The following KCTD8 variants were observed in gnomAD, a reference collection of about 807,000 sequenced individuals.
KCTD8 encodes the protein potassium channel tetramerization domain containing 8.
A neutral mutation model predicts 31.5 loss-of-function variants in KCTD8; 27 were observed. The observed-to-expected ratio is 0.86, with a 90% CI of 0.63 to 1.18. The LOEUF (loss-of-function observed/expected upper bound fraction) is 1.18. Ranked by LOEUF, KCTD8 falls within the 50% of genes most tolerant of loss-of-function variation. The pLI, the probability that KCTD8 is intolerant of heterozygous loss-of-function variation, is 0.00. For missense variants in KCTD8, 658 were observed against 647.7 expected, an observed-to-expected ratio of 1.02 and a Z score of -0.17; for synonymous variants, 290 against 280.0, an observed-to-expected ratio of 1.04 and a Z score of -0.36.
intron 1 of KCTD8, among the ~76,000 whole-genome samples, chr4:44,360,430 G>A (rs147818475): frequency 1.6e-4 from 25 of 151,956 alleles, no homozygotes; most frequent in African/African-American, 4.3e-4. Context: ...AAATTGCTAC[G>A]GAAAACTTAG....
chr4:44,374,011 G>A (rs540422078), intron 1 of KCTD8, among the ~76,000 whole-genome samples: 1 of 152,212 alleles, frequency 6.6e-6, no homozygotes, highest in African/African-American at 2.4e-5. Context: ...AACAGTTTAG[G>A]CGACTACATA....
At chr4:44,210,405 T>C (rs1346086410) in intron 1 of KCTD8, among the ~76,000 whole-genome samples, 2 of 152,208 alleles carry the variant, frequency 1.3e-5, no homozygotes, top group Non-Finnish European at 2.9e-5. Context: ...ACAATGCTTT[T>C]ATAAAATAAC....
At chr4:44,199,391 C>G (rs914838919) in intron 1 of KCTD8, among the ~76,000 whole-genome samples, 4 of 152,068 alleles carry the variant, frequency 2.6e-5, no homozygotes, top group Non-Finnish European at 4.4e-5. Context: ...CAAAAATCAA[C>G]CACATGTTCG....
Position 44,263,316 on chromosome 4 carries a change from A to G in KCTD8, c.962-88066T>C, listed in dbSNP as rs142597866. On this transcript the variant is annotated intron_variant, in intron 1 of 1. Coordinates refer to ENST00000360029, the MANE Select transcript of KCTD8 (RefSeq NM_198353.3). ...AATACTGGTTACACAAACCATGATC[A>G]TATCTCTGGGTTCTTTCAAAGAGAA... Among the ~76,000 whole-genome samples, 39 of 152,254 alleles carry G rather than the reference A, an allele frequency of 2.6e-4. No homozygotes were observed. The East Asian group carries it at 7.0e-3, about 27-fold the overall frequency.
At chr4:44,189,696 T>C (rs1211678003) in intron 1 of KCTD8, among the ~76,000 whole-genome samples, 1 of 152,088 alleles carries the variant, frequency 6.6e-6, no homozygotes, top group Admixed American at 6.6e-5. Flanking sequence ...TAGCCGACTC[T>C]ACACACATTT....
chr4:44,431,469 C>A (rs985379395), intron 1 of KCTD8, among the ~76,000 whole-genome samples: 1 of 151,416 alleles, frequency 6.6e-6, no homozygotes, highest in African/African-American at 2.4e-5. Flanking sequence ...CATTTTGATA[C>A]CCTTCCTTGA....
intron 1 of KCTD8, among the ~76,000 whole-genome samples, chr4:44,424,745 G>A (rs771875427): frequency 2.6e-5 from 4 of 152,056 alleles, no homozygotes; most frequent in Middle Eastern, 3.4e-3. Flanking sequence ...CATTGGACAC[G>A]ATATATAGTT....
intron 1 of KCTD8, among the ~76,000 whole-genome samples, chr4:44,381,696 T>A (rs139259250): frequency 2.4e-4 from 36 of 151,834 alleles, no homozygotes; most frequent in East Asian, 2.1e-3. Flanking sequence ...CTTCATGTCA[T>A]CCCCTTGGCA....
intron 1 of KCTD8, among the ~76,000 whole-genome samples, chr4:44,410,237 T>C (rs539972562): frequency 5.9e-5 from 9 of 152,298 alleles, no homozygotes; most frequent in African/African-American, 1.9e-4. Context: ...GCCTTCAAAA[T>C]AAGTATGGCC....
intron 1 of KCTD8, among the ~76,000 whole-genome samples, chr4:44,285,072 C>T (rs534002783): frequency 2.1e-4 from 32 of 152,246 alleles, no homozygotes; most frequent in African/African-American, 7.5e-4. Context: ...GGTGATTTCT[C>T]AAGGATCTAG....
chr4:44,309,986 C>T (rs369378742), intron 1 of KCTD8, among the ~76,000 whole-genome samples: 9 of 151,978 alleles, frequency 5.9e-5, no homozygotes, highest in African/African-American at 1.7e-4. Context: ...TTTCAAATAC[C>T]TAAGTCCTTG....
intron 1 of KCTD8, among the ~76,000 whole-genome samples, chr4:44,399,999 C>A (rs1345303245): frequency 2.0e-5 from 3 of 152,132 alleles, no homozygotes; most frequent in Admixed American, 2.0e-4. Context: ...TAAAAAGAGA[C>A]CTTAATACTA....
chr4:44,193,643 CAA>C (rs75394434), intron 1 of KCTD8, among the ~76,000 whole-genome samples: 6 of 132,342 alleles, frequency 4.5e-5, no homozygotes, highest in Non-Finnish European at 6.6e-5. Context: ...GGTATTTTAA[CAA>C]AAAAAAAAAA....
chr4:44,224,779 G>C (rs1040983628), intron 1 of KCTD8, among the ~76,000 whole-genome samples: 5 of 152,178 alleles, frequency 3.3e-5, no homozygotes, highest in African/African-American at 1.2e-4. Flanking sequence ...TGTGGGGCGA[G>C]ATAGTGAGTA....
chr4:44,235,565 ATATATATATATT>A (rs1181736872), intron 1 of KCTD8, among the ~76,000 whole-genome samples: 112 of 73,478 alleles, frequency 1.5e-3, no homozygotes, highest in African/African-American at 4.8e-3. Flanking sequence ...ATATATATAT[ATATATATATATT>A]TAGAGAGAGA....
intron 1 of KCTD8, among the ~76,000 whole-genome samples, chr4:44,329,902 C>G (rs1328837701): frequency 6.6e-6 from 1 of 151,778 alleles, no homozygotes; most frequent in African/African-American, 2.4e-5. Context: ...GTAAATGTAA[C>G]TCTGACTTTT....
chr4:44,314,010 A>C (rs757118452), intron 1 of KCTD8, among the ~76,000 whole-genome samples: 35 of 152,248 alleles, frequency 2.3e-4, no homozygotes, highest in Non-Finnish European at 4.6e-4. Context: ...GGTCATGTAA[A>C]ATATGCTAAA....
At chr4:44,252,001 ATCCTTCACCC>A (rs1052156280) in intron 1 of KCTD8, among the ~76,000 whole-genome samples, 1 of 151,792 alleles carries the variant, frequency 6.6e-6, no homozygotes, top group South Asian at 2.1e-4. Context: ...GTAGTCTTTT[ATCCTTCACCC>A]TCACTCACCC....
chr4:44,183,575 G>A (rs1209845533), intron 1 of KCTD8, among the ~76,000 whole-genome samples: 1 of 152,050 alleles, frequency 6.6e-6, no homozygotes, highest in African/African-American at 2.4e-5. Flanking sequence ...GCTTTTCCCA[G>A]TCATTTGAAT....
Sources: gnomAD v4.1 joint callset for allele counts (sites outside exome capture counted in the v4.1 genomes callset) on GRCh38, gnomAD v4.1.1 for gene constraint, MANE v1.5 for transcripts, NCBI Gene and HGNC (gene_info 2026-07-23, HGNC 2026-07-21) for gene names.